The following TRPM8 variants were observed in gnomAD, a reference collection of about 807,000 sequenced individuals.
TRPM8 encodes TRPM8 cationic channel.
A neutral mutation model predicts 133.7 loss-of-function variants in TRPM8; 110 were observed. The ratio of observed to expected loss-of-function variants is 0.82; its 90% CI spans 0.70 to 0.96. The LOEUF is 0.96. Among genes scored for constraint, TRPM8 ranks in the 40% least tolerant of loss-of-function variants. The probability of loss-of-function intolerance (pLI) is 0.00; values close to 1 mark genes in which losing one functional copy is unlikely to be tolerated. For missense variants in TRPM8, 1,291 were observed against 1,379.5 expected, an observed-to-expected ratio of 0.94 and a Z score of 1.02; for synonymous variants, 535 against 532.3, an observed-to-expected ratio of 1.01 and a Z score of -0.07.
At chr2:234,008,012 G>T in intron 23 of TRPM8, 58 bp from the exon 24 acceptor site, 1 of 1,532,796 alleles carries the variant, frequency 6.5e-7, no homozygotes, top group Non-Finnish European at 9.0e-7. Context: ...GAGCCTAATA[G>T]CCCTCTCTCA....
In TRPM8 at chr2:234,017,982, C is replaced by CTTTTAT. The variant is rs1553673663; in HGVS notation, c.*728_*729insTTATTT. 1 of 151,402 alleles carries CTTTTAT rather than the reference C, an allele frequency of 6.6e-6. No homozygotes were observed. The highest frequency in any genetic ancestry group is 2.4e-5 in the African/African-American group (1 of 41,182). The allele number at this position is 151,402 out of a possible 1,614,324, so 9.4% of individuals were successfully genotyped here. A position where few individuals can be genotyped will look rare whatever the true frequency, so the allele number is the denominator to read the frequency against. The stretch of plus-strand genomic sequence containing the variant: ...GACTTTGTTCTTATTGGATACTCCT[C>CTTTTAT]TTATTATTTTTCCATTAAAAATAAT... On this transcript the variant is annotated 3_prime_UTR_variant, in exon 26 of 26. Transcript: ENST00000324695.
chr2:233,946,043 G>C lies in TRPM8; in HGVS notation c.874+13G>C, dbSNP rs1691035999. 6.2e-7 allele frequency: 1 copy of C among 1,612,818 alleles called. No homozygotes were observed. The highest frequency in any genetic ancestry group is 8.5e-7 in the Non-Finnish European group (1 of 1,179,082). On this transcript the variant is annotated intron_variant, in intron 7 of 25. Coordinates refer to ENST00000324695, the MANE Select transcript of TRPM8 (RefSeq NM_024080.5). ...CGCACTATTCAAGGTCAGTGGTTAGGAGGTAGGACACTAGAAGTGTACAAT... is the reference window on the plus strand; with the variant it reads ...CGCACTATTCAAGGTCAGTGGTTAGCAGGTAGGACACTAGAAGTGTACAAT...
intron 14 of TRPM8, 122 bp downstream of exon 14, chr2:233,964,879 T>C: frequency 1.9e-6 from 2 of 1,061,888 alleles, no homozygotes; most frequent in Non-Finnish European, 2.6e-6. Context: ...CCCAGTCTGA[T>C]TGAGGGCTGC....
intron 22 of TRPM8, among the ~76,000 whole-genome samples, chr2:233,997,370 T>G (rs1692435053): frequency 6.6e-6 from 1 of 152,120 alleles, no homozygotes. Context: ...CCCTGCCCCA[T>G]TCCCAGCTGA....
At chr2:233,965,949 A>G (rs1462884139) in intron 14 of TRPM8, 1 of 152,078 alleles carries the variant, frequency 6.6e-6, no homozygotes, top group Non-Finnish European at 1.5e-5. Flanking sequence ...CCTGGGTTCA[A>G]GCGATTCTCC....
intron 21 of TRPM8, among the ~76,000 whole-genome samples, chr2:233,991,243 C>T (rs143742059): frequency 3.9e-5 from 6 of 152,256 alleles, no homozygotes; most frequent in Admixed American, 6.5e-5. Context: ...CATGGGTCTT[C>T]GTGCAAGTAT....
chr2:233,954,142 T>C, intron 10 of TRPM8, 123 bp downstream of exon 10: 1 of 606,744 alleles, frequency 1.6e-6, no homozygotes, highest in Non-Finnish European at 2.8e-6. Context: ...ATTTTGATGA[T>C]CCTAGATTGG....
At chr2:233,953,369 C>T (rs371060242) in intron 9 of TRPM8, among the ~76,000 whole-genome samples, 77 of 152,284 alleles carry the variant, frequency 5.1e-4, no homozygotes, top group East Asian at 2.7e-3. Context: ...CAGCTGGGCT[C>T]GCCAGTGCTT....
intron 22 of TRPM8, among the ~76,000 whole-genome samples, chr2:234,006,259 T>G (rs916301845): frequency 7.9e-5 from 12 of 152,322 alleles, no homozygotes; most frequent in African/African-American, 2.9e-4. Flanking sequence ...TCCTGTCTTC[T>G]GAAAGGCTCA....
intron 16 of TRPM8, 110 bp from the exon 17 acceptor site, chr2:233,970,100 C>T (rs538923338): frequency 9.6e-7 from 1 of 1,044,544 alleles, no homozygotes; most frequent in South Asian, 1.3e-5. Context: ...TTGCTCCCGT[C>T]TCTTCCTCCT....
At chr2:233,937,195 C>A in intron 3 of TRPM8, 158 bp from the exon 4 acceptor site, 1 of 878,914 alleles carries the variant, frequency 1.1e-6, no homozygotes, top group Non-Finnish European at 1.7e-6. Flanking sequence ...CGCACCCGTC[C>A]ACATCAAACT....
At chr2:233,981,676 G>C in intron 18 of TRPM8, 98 bp from the exon 19 acceptor site, 7 of 1,302,516 alleles carry the variant, frequency 5.4e-6, no homozygotes, top group Non-Finnish European at 7.3e-6. Context: ...CAACCTTCCA[G>C]CTCTTGCCTG....
At chr2:233,921,677 C>CTTTTTTTTTTTTTTT (rs11373529) in intron 1 of TRPM8, among the ~76,000 whole-genome samples, 4 of 106,660 alleles carry the variant, frequency 3.8e-5, no homozygotes, top group Non-Finnish European at 5.6e-5. Context: ...CTTTTCTTTT[C>CTTTTTTTTTTTTTTT]TTTTTTTTTT....
intron 14 of TRPM8, among the ~76,000 whole-genome samples, chr2:233,965,760 A>T (rs1168306288): frequency 8.2e-6 from 1 of 122,272 alleles, no homozygotes; most frequent in African/African-American, 3.1e-5. Context: ...GTTTTACTGT[A>T]AAAAAATTTC....
intron 3 of TRPM8, among the ~76,000 whole-genome samples, chr2:233,933,303 A>T: frequency 6.6e-6 from 1 of 152,314 alleles, no homozygotes; most frequent in South Asian, 2.1e-4. Flanking sequence ...GCTATTGATC[A>T]TTTGAAATGT....
intron 20 of TRPM8, chr2:233,983,451 A>T (rs1368253276): frequency 5.6e-6 from 3 of 539,822 alleles, no homozygotes; most frequent in Non-Finnish European, 1.0e-5. Flanking sequence ...AACCTTTTTA[A>T]AAATAGTGAT....
rs547300317 is a variant in TRPM8 at position 233,966,721 on chromosome 2, C to T, written c.1991C>T (p.Thr664Ile). ...SNCLELAVEA[T>I]DQHFIAQPGV... ...TGTCTGGAGCTGGCGGTGGAGGCCA[C>T]AGACCAGCATTTCATCGCCCAGCCT... is the stretch of plus-strand genomic sequence containing the variant. Residue 664 changes from threonine to isoleucine, a missense_variant, in exon 15 of 26, where the codon ACA (threonine) becomes ATA (isoleucine). Transcript: ENST00000324695. The T allele has an allele frequency of 6.2e-7, 1 of 1,604,426 alleles. No homozygotes were observed. Among genetic ancestry groups the T allele is most frequent in the East Asian group, 2.2e-5 (1 of 44,576 alleles).
intron 18 of TRPM8, 73 bp from the exon 19 acceptor site, chr2:233,981,701 G>T: frequency 2.7e-6 from 4 of 1,478,410 alleles, no homozygotes; most frequent in South Asian, 1.4e-5. Context: ...TTGAAATTGG[G>T]TTATTTTTAG....
In TRPM8 at chr2:233,939,410, G is replaced by C. The variant is rs112974224; in HGVS notation, c.526+235G>C. Among the ~76,000 whole-genome samples the C allele has an allele frequency of 2.4e-3, 370 of 152,312 alleles. 2 individuals carry two copies. The highest frequency in any genetic ancestry group is 8.0e-3 in the African/African-American group (332 of 41,566). On this transcript the variant is annotated intron_variant, in intron 5 of 25. Coordinates refer to ENST00000324695, the MANE Select transcript of TRPM8 (RefSeq NM_024080.5). ...ATCAGCGTTAAGGTGCTTCCTTAGG[G>C]GAATTTTTTTTAATCTTGTAAGATT...
Sources: allele counts gnomAD v4.1 joint callset (sites outside exome capture counted in the v4.1 genomes callset), GRCh38; gene constraint gnomAD v4.1.1; transcripts MANE v1.5; gene names NCBI Gene and HGNC (gene_info 2026-07-23, HGNC 2026-07-21).